Variants in FAM78B observed in about 807,000 individuals in gnomAD.
FAM78B encodes the protein protein FAM78B.
A neutral mutation model predicts 20.0 loss-of-function variants in FAM78B; 10 were observed. The ratio of observed to expected loss-of-function variants is 0.50; its 90% CI spans 0.31 to 0.85. The LOEUF (loss-of-function observed/expected upper bound fraction) is 0.85. Ranked by LOEUF, FAM78B falls within the 40% of genes least tolerant of loss-of-function variation. The probability of loss-of-function intolerance (pLI) is 0.05; values close to 1 mark genes in which losing one functional copy is unlikely to be tolerated. For missense variants in FAM78B, 283 were observed against 345.0 expected (o/e 0.82, Z 1.42); for synonymous variants, 135 against 132.8 (o/e 1.02, Z -0.12).
chr1:166,121,723 T>G (rs974786120), intron 1 of FAM78B, among the ~76,000 whole-genome samples: 1 of 152,128 alleles, frequency 6.6e-6, no homozygotes, highest in African/African-American at 2.4e-5. Context: ...TCCTAACAAC[T>G]CTATGAGGTA....
At chr1:166,126,925 G>GT (rs1330158051) in intron 1 of FAM78B, among the ~76,000 whole-genome samples, 1 of 152,162 alleles carries the variant, frequency 6.6e-6, no homozygotes, top group Non-Finnish European at 1.5e-5. Context: ...ATGTTTCATG[G>GT]TATCTTCCCC....
rs1376275588 is a variant in FAM78B, at chr1:166,109,852, A to ATGTATGTG, written c.264-39090_264-39089insCACATACA. On this transcript the variant is annotated intron_variant, in intron 1 of 1. Transcript: ENST00000354422. ...TATATGTATATATGTATATATATAT[A>ATGTATGTG]TATATATATGTATGTGTATATATAT... Among the ~76,000 whole-genome samples, 108 of 25,432 alleles carry ATGTATGTG rather than the reference A, an allele frequency of 4.2e-3. 6 individuals carry two copies. Among genetic ancestry groups the ATGTATGTG allele is most frequent in the African/African-American group, 0.011 (103 of 9,000 alleles). The allele number at this position is 25,432 out of a possible 152,430, so 16.7% of individuals were successfully genotyped here. A position where few individuals can be genotyped will look rare whatever the true frequency, so the allele number is the denominator to read the frequency against.
chr1:166,124,273 T>C (rs912479615), intron 1 of FAM78B, among the ~76,000 whole-genome samples: 5 of 152,228 alleles, frequency 3.3e-5, no homozygotes, highest in Non-Finnish European at 7.3e-5. Context: ...CCCAGAATCC[T>C]TCCCAGAGCT....
intron 1 of FAM78B, among the ~76,000 whole-genome samples, chr1:166,095,175 G>A (rs538605708): frequency 5.4e-4 from 82 of 152,102 alleles, no homozygotes; most frequent in Non-Finnish European, 1.2e-3. Flanking sequence ...TGGAAGGTCC[G>A]TCCTCAGGGT....
At chr1:166,164,593 T>TA (rs1490654222) in intron 1 of FAM78B, among the ~76,000 whole-genome samples, 1 of 152,168 alleles carries the variant, frequency 6.6e-6, no homozygotes, top group Non-Finnish European at 1.5e-5. Context: ...CTTTTGTGCT[T>TA]AAAGAGAAAA....
At chr1:166,127,438 A>T (rs1227848419) in intron 1 of FAM78B, among the ~76,000 whole-genome samples, 1 of 152,158 alleles carries the variant, frequency 6.6e-6, no homozygotes, top group Non-Finnish European at 1.5e-5. Context: ...TCTCTATTAC[A>T]TGGAGAGTCC....
At position 166,075,423 on chromosome 1, in the gene FAM78B, T is replaced by TTG. The variant is rs149448084; in HGVS notation, c.264-4662_264-4661dup. Among the ~76,000 whole-genome samples, 266 of 151,836 alleles carry TTG rather than the reference T, an allele frequency of 1.8e-3. 3 individuals are homozygous for TTG. The East Asian group carries it at 0.02, about 12-fold the overall frequency. Reference sequence around the variant, plus strand: ...ACTCAGAAGAGGCAAGTATGGCTGATTGTGTGTGTGTGTGTAATCATTCAC... The same window carrying TTG: ...ACTCAGAAGAGGCAAGTATGGCTGATTGTGTGTGTGTGTGTGTAATCATTCAC... On this transcript the variant is annotated intron_variant, in intron 1 of 1. Coordinates refer to ENST00000354422, the MANE Select transcript of FAM78B (RefSeq NM_001017961.5).
intron 1 of FAM78B, among the ~76,000 whole-genome samples, chr1:166,097,340 T>A (rs1653324097): frequency 6.6e-6 from 1 of 152,264 alleles, no homozygotes; most frequent in Admixed American, 6.5e-5. Context: ...ACAACTTGAA[T>A]AGGGCGAGAA....
intron 1 of FAM78B, among the ~76,000 whole-genome samples, chr1:166,074,704 G>C (rs1355095852): frequency 6.6e-6 from 1 of 152,070 alleles, no homozygotes; most frequent in Non-Finnish European, 1.5e-5. Flanking sequence ...TCTATTATTA[G>C]AATAGTATCA....
chr1:166,162,409 A>T (rs1656181600), intron 1 of FAM78B, among the ~76,000 whole-genome samples: 2 of 152,206 alleles, frequency 1.3e-5, no homozygotes, highest in Non-Finnish European at 2.9e-5. Context: ...CTATCAGCCC[A>T]GCCTGACCAT....
At chr1:166,099,369 G>A (rs1049055748) in intron 1 of FAM78B, among the ~76,000 whole-genome samples, 9 of 151,996 alleles carry the variant, frequency 5.9e-5, no homozygotes, top group Non-Finnish European at 8.8e-5. Flanking sequence ...ACAAAAAAAC[G>A]AAGTACACAG....
At chr1:166,096,157 C>T (rs1414690460) in intron 1 of FAM78B, among the ~76,000 whole-genome samples, 3 of 152,180 alleles carry the variant, frequency 2.0e-5, no homozygotes, top group Non-Finnish European at 2.9e-5. Flanking sequence ...AATTGCCAGT[C>T]GTCCCACGAA....
rs1377948098 is a variant in FAM78B, at chr1:166,166,987, C to G, written c.-739G>C. 6.9e-6 allele frequency: 1 copy of G among 145,242 alleles called. No individual in the cohort carries two copies. Among genetic ancestry groups the G allele is most frequent in the Non-Finnish European group, 1.5e-5 (1 of 67,240 alleles). The allele number at this position is 145,242 out of a possible 1,614,324, so 9.0% of individuals were successfully genotyped here. ...CACAGGACGTGCTCCGCGGAGGAAACTGGCTGTACGCCATGAGTTTTGTCC... is the reference window on the plus strand; with the variant it reads ...CACAGGACGTGCTCCGCGGAGGAAAGTGGCTGTACGCCATGAGTTTTGTCC... On this transcript the variant is annotated 5_prime_UTR_variant, in exon 1 of 2. Coordinates refer to ENST00000354422, the MANE Select transcript of FAM78B (RefSeq NM_001017961.5).
chr1:166,061,133 CAT>C (rs752262080), intron 2 of FAM78B, among the ~76,000 whole-genome samples: 7 of 152,200 alleles, frequency 4.6e-5, no homozygotes, highest in Non-Finnish European at 8.8e-5. Context: ...GTCCAAATCA[CAT>C]GAGATAAAAC....
Position 166,156,014 on chromosome 1 carries a change from A to G in FAM78B, c.263+9972T>C, listed in dbSNP as rs560556043. Among the ~76,000 whole-genome samples, 4 of 152,310 alleles carry G rather than the reference A, an allele frequency of 2.6e-5. No individual in the cohort carries two copies. The East Asian group carries it at 7.7e-4, about 29-fold the overall frequency. ...TGCCTGCTCCTTCGGGATGCTGCAG[A>G]AAGTGCTGACTGCGGATGCCGATTT... is the stretch of plus-strand genomic sequence containing the variant. On this transcript the variant is annotated intron_variant, in intron 1 of 1. Transcript: ENST00000354422.
exon 3 of FAM78B, chr1:166,060,282 TC>T (rs1344426765): frequency 3.0e-5 from 8 of 265,028 alleles, no homozygotes; most frequent in Non-Finnish European, 6.0e-5. Context: ...GTATTTAAAG[TC>T]CAGGCTGACC....
intron 1 of FAM78B, among the ~76,000 whole-genome samples, chr1:166,109,866 G>GTATATATATA (rs1557903254): frequency 5.8e-5 from 1 of 17,156 alleles, no homozygotes; most frequent in Non-Finnish European, 1.2e-4. Flanking sequence ...ATATATGTAT[G>GTATATATATA]TGTATATATA....
chr1:166,160,200 G>A (rs1656089424), intron 1 of FAM78B, among the ~76,000 whole-genome samples: 1 of 152,162 alleles, frequency 6.6e-6, no homozygotes, highest in South Asian at 2.1e-4. Flanking sequence ...CACCAATGAA[G>A]GTCACACTTA....
intron 1 of FAM78B, among the ~76,000 whole-genome samples, chr1:166,109,358 A>C (rs2101755149): frequency 6.6e-6 from 1 of 152,336 alleles, no homozygotes; most frequent in East Asian, 1.9e-4. Context: ...GGACATGAAT[A>C]GAAAATTCTC....
Sources: allele counts gnomAD v4.1 joint callset (sites outside exome capture counted in the v4.1 genomes callset), GRCh38; gene constraint gnomAD v4.1.1; transcripts MANE v1.5; gene names NCBI Gene and HGNC (gene_info 2026-07-23, HGNC 2026-07-21).